The following PRDM6 variants were observed in gnomAD, a reference collection of about 807,000 sequenced individuals.
PRDM6 encodes the protein PR/SET domain 6.
PRDM6 carries 25 observed loss-of-function variants against 60.8 expected under a neutral mutation model. The observed-to-expected ratio is 0.41, with a 90% confidence interval of 0.30 to 0.57. The LOEUF (loss-of-function observed/expected upper bound fraction) is 0.57. Among genes scored for constraint, PRDM6 ranks in the 20% least tolerant of loss-of-function variants. PRDM6 has a pLI of 0.27. For missense variants in PRDM6, 839 were observed against 821.3 expected (o/e 1.02, Z -0.26); for synonymous variants, 407 against 357.4 (o/e 1.14, Z -1.57).
Position 123,099,439 on chromosome 5 carries a change from C to A in PRDM6, c.593-215C>A, listed in dbSNP as rs1465209525. 1.3e-5 allele frequency among the ~76,000 whole-genome samples: 2 copies of A among 152,220 alleles called. No individual in the cohort carries two copies. The highest frequency in any genetic ancestry group is 2.9e-5 in the Non-Finnish European group (2 of 68,032). On this transcript the variant is annotated intron_variant, in intron 2 of 7. Transcript: ENST00000407847. The surrounding 1 kb of genome is among the most constrained non-coding windows in gnomAD (Gnocchi z 4.0). Reference sequence around the variant, plus strand: ...CCTAGAGTCCTGGCCCGGTACCAGGCAGATCTGGGTGCGGCGAATTCCAAG... The same window carrying A: ...CCTAGAGTCCTGGCCCGGTACCAGGAAGATCTGGGTGCGGCGAATTCCAAG...
At chr5:123,166,298 T>C (rs1765751280) in intron 5 of PRDM6, among the ~76,000 whole-genome samples, 1 of 152,194 alleles carries the variant, frequency 6.6e-6, no homozygotes, top group Non-Finnish European at 1.5e-5. Context: ...TTGCATTGCC[T>C]TTTCCTCCCT....
Position 123,187,271 on chromosome 5 carries a change from C to A in PRDM6, c.*70C>A. On this transcript the variant is annotated 3_prime_UTR_variant, in exon 8 of 8. Coordinates refer to ENST00000407847, the MANE Select transcript of PRDM6 (RefSeq NM_001136239.4). ...AATGTCACGGACACTTAAGCAAAACCAAAGATTTCCTCTGAGCAACTTTCA... is the reference window on the plus strand; with the variant it reads ...AATGTCACGGACACTTAAGCAAAACAAAAGATTTCCTCTGAGCAACTTTCA... 2.5e-6 allele frequency: 3 copies of A among 1,211,856 alleles called. No homozygotes were observed. The highest frequency in any genetic ancestry group is 3.6e-6 in the Non-Finnish European group (3 of 842,950). The allele number at this position is 1,211,856 out of a possible 1,614,324, so 75.1% of individuals were successfully genotyped here. A position where few individuals can be genotyped will look rare whatever the true frequency, so the allele number is the denominator to read the frequency against.
chr5:123,155,741 AG>A, intron 3 of PRDM6, 142 bp from the exon 4 acceptor site: 3 of 817,810 alleles, frequency 3.7e-6, no homozygotes, highest in Non-Finnish European at 5.5e-6. Context: ...ATTCCGGTTG[AG>A]TTGTCCACAA....
chr5:123,132,664 A>G (rs964036246), intron 3 of PRDM6, among the ~76,000 whole-genome samples: 1 of 152,170 alleles, frequency 6.6e-6, no homozygotes, highest in Non-Finnish European at 1.5e-5. Flanking sequence ...ATAATTTCCA[A>G]GTATGATTTC....
intron 3 of PRDM6, among the ~76,000 whole-genome samples, chr5:123,139,025 A>C (rs1765037329): frequency 6.6e-6 from 1 of 152,082 alleles, no homozygotes; most frequent in South Asian, 2.1e-4. Context: ...TGGTTTTATA[A>C]GCGTCTGGCA....
chr5:123,185,138 T>C (rs1766255672), intron 7 of PRDM6, among the ~76,000 whole-genome samples: 1 of 152,180 alleles, frequency 6.6e-6, no homozygotes, highest in South Asian at 2.1e-4. Flanking sequence ...TGTTAAAATA[T>C]TACATATAGA....
chr5:123,177,447 TA>T (rs1379286802), intron 6 of PRDM6, among the ~76,000 whole-genome samples: 3 of 152,216 alleles, frequency 2.0e-5, no homozygotes, highest in African/African-American at 7.2e-5. Context: ...CCAAGTATTC[TA>T]AAATCTTATT....
At chr5:123,104,540 C>T (rs978687695) in intron 3 of PRDM6, among the ~76,000 whole-genome samples, 3 of 151,844 alleles carry the variant, frequency 2.0e-5, no homozygotes, top group African/African-American at 4.8e-5. Context: ...ATGTAGCTGT[C>T]GCAGTTATAT....
chr5:123,191,137 T>A lies in PRDM6; in HGVS notation c.*3936T>A, dbSNP rs899868467. On this transcript the variant is annotated 3_prime_UTR_variant, in exon 8 of 8. Transcript: ENST00000407847. ...TAAGGCAACAAGTTGGGTACAAGGCTGGAGTTGCTCAGGGAAGGAGATCTG... is the reference window on the plus strand; with the variant it reads ...TAAGGCAACAAGTTGGGTACAAGGCAGGAGTTGCTCAGGGAAGGAGATCTG... 5.3e-5 allele frequency: 8 copies of A among 152,198 alleles called. No individual in the cohort carries two copies. Among genetic ancestry groups the A allele is most frequent in the Admixed American group, 2.6e-4 (4 of 15,272 alleles). The allele number at this position is 152,198 out of a possible 1,614,324, so 9.4% of individuals were successfully genotyped here. A position where few individuals can be genotyped will look rare whatever the true frequency, so the allele number is the denominator to read the frequency against.
In PRDM6 at chr5:123,099,988, C is replaced by A. The variant is rs1008062373; in HGVS notation, c.900+27C>A. 30 of 1,475,738 alleles carry A rather than the reference C, an allele frequency of 2.0e-5. No individual in the cohort carries two copies. Among genetic ancestry groups the A allele is most frequent in the Non-Finnish European group, 2.7e-5 (30 of 1,105,702 alleles). The allele number at this position is 1,475,738 out of a possible 1,614,324, so 91.4% of individuals were successfully genotyped here. On this transcript the variant is annotated intron_variant, in intron 3 of 7. Coordinates refer to ENST00000407847, the MANE Select transcript of PRDM6 (RefSeq NM_001136239.4). This position sits in a 1 kb window ranked among gnomAD's most constrained non-coding sequence, Gnocchi z 4.0. ...TAAGTGGCCGGCTGCACAGCGCCTC[C>A]CCACCGAGCAGGAGCCTTGGCCAGC...
At chr5:123,163,975 C>A (rs1344667222) in intron 5 of PRDM6, among the ~76,000 whole-genome samples, 1 of 152,146 alleles carries the variant, frequency 6.6e-6, no homozygotes, top group East Asian at 1.9e-4. Flanking sequence ...CTCACCCCCA[C>A]CGTTCCACCA....
chr5:123,160,280 G>C (rs1207646013), intron 5 of PRDM6, among the ~76,000 whole-genome samples: 1 of 152,330 alleles, frequency 6.6e-6, no homozygotes, highest in East Asian at 1.9e-4. Flanking sequence ...CTAGGCAAAT[G>C]TGAACTTGCA....
At position 123,099,048 on chromosome 5, in the gene PRDM6, T is replaced by C. The variant is rs1428500257; in HGVS notation, c.593-606T>C. Among the ~76,000 whole-genome samples, 3 of 150,056 alleles carry C rather than the reference T, an allele frequency of 2.0e-5. No homozygotes were observed. Among genetic ancestry groups the C allele is most frequent in the Non-Finnish European group, 3.0e-5 (2 of 67,392 alleles). On this transcript the variant is annotated intron_variant, in intron 2 of 7. Coordinates refer to ENST00000407847, the MANE Select transcript of PRDM6 (RefSeq NM_001136239.4). The surrounding 1 kb of genome is among the most constrained non-coding windows in gnomAD (Gnocchi z 4.0). ...AAGGAAGTGCGAATGGCACCCGCGA[T>C]AGACTGGCCGTCTCCCCCACCCCGC...
At chr5:123,113,867 C>T (rs1764370929) in intron 3 of PRDM6, among the ~76,000 whole-genome samples, 1 of 152,136 alleles carries the variant, frequency 6.6e-6, no homozygotes, top group African/African-American at 2.4e-5. Flanking sequence ...TGTTCCAGGG[C>T]CATGGGCTTC....
Position 123,155,934 on chromosome 5 carries a change from T to C in PRDM6, c.951T>C (p.Pro317=), listed in dbSNP as rs529532277. The C allele has an allele frequency of 6.4e-7, 1 of 1,551,638 alleles. No homozygotes were observed. Among genetic ancestry groups the C allele is most frequent in the African/African-American group, 1.4e-5 (1 of 73,146 alleles). The part of the protein sequence containing the change: ...TLQHFIDGGE[P]SKSSWMRYIR... The stretch of plus-strand genomic sequence containing the variant: ...AGCACTTTATTGATGGTGGGGAACC[T>C]AGTAAGTCGAGCTGGATGAGGTATA... The change falls in exon 4 of 8, where the codon CCT becomes CCC. Residue 317 remains proline, a synonymous_variant. Coordinates refer to ENST00000407847, the MANE Select transcript of PRDM6 (RefSeq NM_001136239.4).
At chr5:123,089,725 G>A (rs1324590418) in intron 1 of PRDM6, among the ~76,000 whole-genome samples, 1 of 152,140 alleles carries the variant, frequency 6.6e-6, no homozygotes. Context: ...AGTTCTACGG[G>A]GCAGCGCCCT....
rs1466073540 is a variant in PRDM6, at chr5:123,191,973, G to A, written c.*4772G>A. 3.9e-5 allele frequency: 6 copies of A among 152,280 alleles called. No individual in the cohort carries two copies. Among genetic ancestry groups the A allele is most frequent in the Non-Finnish European group, 5.9e-5 (4 of 68,020 alleles). The allele number at this position is 152,280 out of a possible 1,614,324, so 9.4% of individuals were successfully genotyped here. On this transcript the variant is annotated 3_prime_UTR_variant, in exon 8 of 8. Coordinates refer to ENST00000407847, the MANE Select transcript of PRDM6 (RefSeq NM_001136239.4). ...TTCCTTTAAATAATAAATGCCAGAT[G>A]TTTCATCAGATCAATATGTAAAACG...
chr5:123,155,780 G>A (rs1765480897), intron 3 of PRDM6, 104 bp from the exon 4 acceptor site: 2 of 1,326,220 alleles, frequency 1.5e-6, no homozygotes, highest in Middle Eastern at 2.0e-4. Context: ...CAAACCTAAG[G>A]GCAATAAATT....
rs572787939 is a variant in PRDM6 at position 123,179,006 on chromosome 5, G to A, written c.1497-1141G>A. On this transcript the variant is annotated intron_variant, in intron 6 of 7. Coordinates refer to ENST00000407847, the MANE Select transcript of PRDM6 (RefSeq NM_001136239.4). The stretch of plus-strand genomic sequence containing the variant: ...AGTGAATGCTGTTAATATCCCTCAC[G>A]ACAGATTATTAATTATCTGAACAAA... Among the ~76,000 whole-genome samples, 13 of 152,184 alleles carry A rather than the reference G, an allele frequency of 8.5e-5. No individual in the cohort carries two copies. In the South Asian group the frequency reaches 1.5e-3, roughly 17 times the overall value.
Sources: gnomAD v4.1 joint callset for allele counts (sites outside exome capture counted in the v4.1 genomes callset) on GRCh38, gnomAD v4.1.1 for gene constraint, Gnocchi (gnomAD v3.1) non-coding constraint, MANE v1.5 for transcripts, NCBI Gene and HGNC (gene_info 2026-07-23, HGNC 2026-07-21) for gene names.